The following PLD5 variants were observed in gnomAD, a reference collection of about 807,000 sequenced individuals.
PLD5 encodes phospholipase D family member 5, also known as inactive phospholipase D5.
In PLD5, 36 loss-of-function variants were observed where a neutral mutation model predicts 61.1. The ratio of observed to expected loss-of-function variants is 0.59; its 90% CI spans 0.45 to 0.78. The LOEUF is 0.78. PLD5 is among the 30% of genes least tolerant of loss of function. PLD5 has a pLI of 0.00. For missense variants in PLD5, 515 were observed against 644.4 expected, an observed-to-expected ratio of 0.80 and a Z score of 2.17; for synonymous variants, 243 against 242.8, an observed-to-expected ratio of 1.00 and a Z score of -0.01.
chr1:242,524,443 G>T lies in PLD5; in HGVS notation c.-167C>A. On this transcript the variant is annotated 5_prime_UTR_variant, in exon 1 of 10. Coordinates refer to ENST00000536534, the MANE Select transcript of PLD5 (RefSeq NM_001372062.1). ...GGGCGCGGGGAGCGCGGGGTGCTGAGCGCCAGCTGGGAGCGCGGCCGGGCG... is the reference window on the plus strand; with the variant it reads ...GGGCGCGGGGAGCGCGGGGTGCTGATCGCCAGCTGGGAGCGCGGCCGGGCG... 1.7e-6 allele frequency: 1 copy of T among 592,228 alleles called. No individual in the cohort carries two copies. Among genetic ancestry groups the T allele is most frequent in the Non-Finnish European group, 2.4e-6 (1 of 411,224 alleles). The allele number at this position is 592,228 out of a possible 1,614,324, so 36.7% of individuals were successfully genotyped here.
rs183325480 is a variant in PLD5, at chr1:242,196,302, C to T, written c.735+23686G>A. On this transcript the variant is annotated intron_variant, in intron 5 of 9. Transcript: ENST00000536534. ...GTGGAATCTTGCCCTCACGCGCTGT[C>T]GGTACATTATGGTGGGTCGGGAGTA... is the stretch of plus-strand genomic sequence containing the variant. 4.8e-3 allele frequency among the ~76,000 whole-genome samples: 732 copies of T among 152,258 alleles called. 5 individuals carry two copies. Among genetic ancestry groups the T allele is most frequent in the African/African-American group, 0.014 (569 of 41,538 alleles).
intron 5 of PLD5, among the ~76,000 whole-genome samples, chr1:242,211,012 G>A (rs572643932): frequency 6.6e-6 from 1 of 152,320 alleles, no homozygotes; most frequent in African/African-American, 2.4e-5. Context: ...TTTAAGGTAC[G>A]AAACCGTTCT....
chr1:242,200,537 T>A (rs1457059536), intron 5 of PLD5, among the ~76,000 whole-genome samples: 2 of 152,190 alleles, frequency 1.3e-5, no homozygotes, highest in Non-Finnish European at 2.9e-5. Context: ...AAGCTCTAGA[T>A]TTCTGGGGTA....
intron 6 of PLD5, among the ~76,000 whole-genome samples, chr1:242,115,939 A>G (rs1461850402): frequency 6.6e-6 from 1 of 152,218 alleles, no homozygotes; most frequent in Admixed American, 6.5e-5. Flanking sequence ...GAGTTGCTGT[A>G]GAAAGGGAAA....
Position 242,090,107 on chromosome 1 carries a change from T to C in PLD5, c.1358A>G (p.Asn453Ser). The change falls in exon 10 of 10, where the codon AAT becomes AGT. Residue 453 changes from asparagine to serine, a missense_variant. Coordinates refer to ENST00000536534, the MANE Select transcript of PLD5 (RefSeq NM_001372062.1). ...GAAATCATTCCCTACCCAATCAAAA[T>C]TTCCTGCAAACAAACAAAGAAATAA... Reference protein sequence around the residue: ...MVTDGAAYIGNFDWVGNDFTQ... With the variant: ...MVTDGAAYIGSFDWVGNDFTQ... 1 of 1,613,620 alleles carries C rather than the reference T, an allele frequency of 6.2e-7. No individual in the cohort carries two copies. The highest frequency in any genetic ancestry group is 1.7e-5 in the Admixed American group (1 of 60,008).
At chr1:242,374,946 G>T (rs1309953348) in intron 1 of PLD5, among the ~76,000 whole-genome samples, 1 of 152,148 alleles carries the variant, frequency 6.6e-6, no homozygotes, top group East Asian at 1.9e-4. Flanking sequence ...TTTCAGCAAA[G>T]CTTCAGGGGT....
intron 3 of PLD5, among the ~76,000 whole-genome samples, chr1:242,266,924 C>T (rs1807222): frequency 0.17 from 25,243 of 150,840 alleles, 3,932 homozygotes; most frequent in East Asian, 0.57. Flanking sequence ...TGAAACCAGC[C>T]TGGTCAACAT....
intron 6 of PLD5, among the ~76,000 whole-genome samples, chr1:242,120,999 GTTA>G (rs1417412551): frequency 2.6e-4 from 39 of 152,144 alleles, no homozygotes; most frequent in African/African-American, 9.4e-4. Flanking sequence ...TTTGAGAATG[GTTA>G]TTAAGGTCTT....
At chr1:242,486,654 G>A (rs1182925941) in intron 1 of PLD5, among the ~76,000 whole-genome samples, 4 of 150,632 alleles carry the variant, frequency 2.7e-5, no homozygotes, top group Non-Finnish European at 5.9e-5. Flanking sequence ...TCAGTGTGGC[G>A]ATTCCTCAGG....
chr1:242,329,837 A>T (rs2149199773), intron 2 of PLD5, among the ~76,000 whole-genome samples: 1 of 152,240 alleles, frequency 6.6e-6, no homozygotes, highest in South Asian at 2.1e-4. Context: ...AAACCCTATG[A>T]AGCAGGTACT....
Position 242,486,397 on chromosome 1 carries a change from G to A in PLD5, c.189+37691C>T, listed in dbSNP as rs377264377. On this transcript the variant is annotated intron_variant, in intron 1 of 9. Transcript: ENST00000536534. Reference sequence around the variant, plus strand: ...AAAACAACCCCATCAAAAAGTGGGCGAAGGATATGAACAGACACTTCTCAA... The same window carrying A: ...AAAACAACCCCATCAAAAAGTGGGCAAAGGATATGAACAGACACTTCTCAA... Among the ~76,000 whole-genome samples the A allele has an allele frequency of 6.0e-4, 91 of 152,002 alleles. 1 individual carries two copies. Among genetic ancestry groups the A allele is most frequent in the South Asian group, 5.6e-3 (27 of 4,796 alleles).
intron 3 of PLD5, among the ~76,000 whole-genome samples, chr1:242,273,235 G>T (rs1674215854): frequency 6.6e-6 from 1 of 151,684 alleles, no homozygotes; most frequent in Admixed American, 6.6e-5. Flanking sequence ...CTTCATCCAT[G>T]TCCCTGCAAA....
chr1:242,118,889 A>G (rs1662152670), intron 6 of PLD5, among the ~76,000 whole-genome samples: 1 of 152,212 alleles, frequency 6.6e-6, no homozygotes, highest in African/African-American at 2.4e-5. Flanking sequence ...AATAGAAATG[A>G]ATAAACAATA....
intron 2 of PLD5, among the ~76,000 whole-genome samples, chr1:242,327,157 G>A (rs1271551308): frequency 1.3e-5 from 2 of 150,752 alleles, no homozygotes; most frequent in South Asian, 2.1e-4. Flanking sequence ...GAGCCACCAC[G>A]CCTGGCGCTA....
intron 1 of PLD5, among the ~76,000 whole-genome samples, chr1:242,433,737 G>A (rs1042360851): frequency 5.9e-5 from 9 of 152,132 alleles, no homozygotes; most frequent in Non-Finnish European, 1.3e-4. Context: ...TTAAAGCAGG[G>A]TATGGGGAGG....
intron 4 of PLD5, among the ~76,000 whole-genome samples, chr1:242,237,130 C>CT (rs1019483569): frequency 1.1e-4 from 17 of 151,336 alleles, no homozygotes; most frequent in East Asian, 3.9e-4. Context: ...TTCTTTCTCC[C>CT]TTTTTTTTTC....
intron 1 of PLD5, among the ~76,000 whole-genome samples, chr1:242,484,466 G>A (rs1167826068): frequency 1.3e-5 from 2 of 152,148 alleles, no homozygotes; most frequent in Non-Finnish European, 2.9e-5. Flanking sequence ...TAGAAGAAAT[G>A]GATAAATTCC....
intron 2 of PLD5, among the ~76,000 whole-genome samples, chr1:242,345,212 C>T (rs1348728068): frequency 2.0e-5 from 3 of 152,158 alleles, no homozygotes; most frequent in South Asian, 2.1e-4. Flanking sequence ...ACTGTAACTC[C>T]TTGTGCAGTC....
At chr1:242,518,583 A>T (rs1386358852) in intron 1 of PLD5, among the ~76,000 whole-genome samples, 1 of 152,222 alleles carries the variant, frequency 6.6e-6, no homozygotes, top group Non-Finnish European at 1.5e-5. Flanking sequence ...AGAACTAAAA[A>T]CTGTTACTTA....
Sources: gnomAD v4.1 joint callset for allele counts (sites outside exome capture counted in the v4.1 genomes callset) on GRCh38, gnomAD v4.1.1 for gene constraint, MANE v1.5 for transcripts, NCBI Gene and HGNC (gene_info 2026-07-23, HGNC 2026-07-21) for gene names.